The following MAP2K5 variants were observed in gnomAD, a reference collection of about 807,000 sequenced individuals.
MAP2K5 encodes mitogen-activated protein kinase kinase 5.
A neutral mutation model predicts 83.1 loss-of-function variants in MAP2K5; 49 were observed. That is an observed-to-expected ratio of 0.59 (90% CI 0.47 to 0.75). MAP2K5 has a LOEUF of 0.75. Ranked by LOEUF, MAP2K5 falls within the 30% of genes least tolerant of loss-of-function variation. The probability of loss-of-function intolerance (pLI) is 0.00; values close to 1 mark genes in which losing one functional copy is unlikely to be tolerated. For synonymous variants in MAP2K5, 202 were observed against 191.8 expected (o/e 1.05, Z -0.44); for missense variants, 457 against 557.5 (o/e 0.82, Z 1.82).
intron 17 of MAP2K5, among the ~76,000 whole-genome samples, chr15:67,742,056 G>A (rs140568177): frequency 2.0e-3 from 310 of 152,136 alleles, no homozygotes; most frequent in African/African-American, 7.1e-3. Flanking sequence ...CACCACACCC[G>A]GCTAATTTTT....
At chr15:67,610,924 G>A (rs1047824753) in intron 8 of MAP2K5, among the ~76,000 whole-genome samples, 1 of 152,196 alleles carries the variant, frequency 6.6e-6, no homozygotes, top group African/African-American at 2.4e-5. Flanking sequence ...CAGTGGTATT[G>A]CTGAAAGCAG....
At chr15:67,641,586 G>A in intron 9 of MAP2K5, 1 of 997,020 alleles carries the variant, frequency 1.0e-6, no homozygotes, top group Non-Finnish European at 1.2e-6. Context: ...TCACTTGACT[G>A]CTTATATTTA....
rs1434377039 is a variant in MAP2K5, at chr15:67,780,106, A to G, written c.1242+7354A>G. 6.6e-6 allele frequency among the ~76,000 whole-genome samples: 1 copy of G among 152,146 alleles called. No homozygotes were observed. Among genetic ancestry groups the G allele is most frequent in the Non-Finnish European group, 1.5e-5 (1 of 67,994 alleles). ...GCATGTATTGTGTCTAGGTTGGAAC[A>G]GCATTTAATTATATATTCATCTTAT... On this transcript the variant is annotated intron_variant, in intron 21 of 21. Transcript: ENST00000178640. The surrounding 1 kb of genome is among the most constrained non-coding windows in gnomAD (Gnocchi z 5.0).
chr15:67,805,821 T>C (rs924119548), intron 21 of MAP2K5, among the ~76,000 whole-genome samples: 1 of 152,200 alleles, frequency 6.6e-6, no homozygotes, highest in African/African-American at 2.4e-5. Context: ...TTTTCACTTT[T>C]CCTTTCACCT....
chr15:67,664,485 A>C, intron 12 of MAP2K5, 112 bp from the exon 13 acceptor site: 1 of 639,872 alleles, frequency 1.6e-6, no homozygotes, highest in Non-Finnish European at 2.7e-6. Flanking sequence ...CCTAGGTGAC[A>C]GGGTGACACC....
intron 8 of MAP2K5, among the ~76,000 whole-genome samples, chr15:67,625,675 T>TGCG (rs1743323032): frequency 6.6e-6 from 1 of 152,236 alleles, no homozygotes. Flanking sequence ...GACTCATGCC[T>TGCG]GGCATTGCCT....
chr15:67,599,992 A>G (rs2085620078), intron 7 of MAP2K5, among the ~76,000 whole-genome samples: 1 of 141,080 alleles, frequency 7.1e-6, no homozygotes, highest in Non-Finnish European at 1.6e-5. Flanking sequence ...AAAACATGCA[A>G]ACTTATATAT....
At chr15:67,735,193 G>T (rs1205311230) in intron 17 of MAP2K5, among the ~76,000 whole-genome samples, 1 of 152,096 alleles carries the variant, frequency 6.6e-6, no homozygotes, top group African/African-American at 2.4e-5. Context: ...TATTTGCTTA[G>T]CCTATGCCAG....
At chr15:67,612,257 C>T (rs1487454996) in intron 8 of MAP2K5, among the ~76,000 whole-genome samples, 5 of 151,988 alleles carry the variant, frequency 3.3e-5, no homozygotes, top group South Asian at 2.1e-4. Context: ...TATGTGACAC[C>T]GTTAAGTTTT....
chr15:67,595,977 T>C (rs371979753), intron 7 of MAP2K5, among the ~76,000 whole-genome samples: 1 of 6,962 alleles, frequency 1.4e-4, no homozygotes, highest in Admixed American at 1.7e-3. Flanking sequence ...TTATTTTTTC[T>C]TTTTTTTTTT....
chr15:67,715,853 G>C (rs752975455), intron 16 of MAP2K5, among the ~76,000 whole-genome samples: 18 of 152,158 alleles, frequency 1.2e-4, no homozygotes, highest in Non-Finnish European at 2.4e-4. Context: ...AGGATTTTCT[G>C]ATGGATAGAA....
At chr15:67,675,306 C>T (rs6494685) in intron 13 of MAP2K5, among the ~76,000 whole-genome samples, 149,625 of 152,330 alleles carry the variant, frequency 0.98, 73,551 homozygotes, top group Middle Eastern at 1. Flanking sequence ...CCTAGATGAA[C>T]CTCCAGATCA....
At chr15:67,721,033 T>C (rs1176977580) in intron 16 of MAP2K5, among the ~76,000 whole-genome samples, 1 of 152,236 alleles carries the variant, frequency 6.6e-6, no homozygotes, top group African/African-American at 2.4e-5. Flanking sequence ...TAGGATATTG[T>C]ACTTGTGAAT....
At chr15:67,611,910 T>C (rs1385288032) in intron 8 of MAP2K5, among the ~76,000 whole-genome samples, 1 of 152,192 alleles carries the variant, frequency 6.6e-6, no homozygotes, top group Non-Finnish European at 1.5e-5. Context: ...ATGTATCTTG[T>C]AGATGACCAA....
intron 15 of MAP2K5, among the ~76,000 whole-genome samples, chr15:67,696,923 G>A (rs4296206): frequency 0.022 from 3,280 of 152,296 alleles, 122 homozygotes; most frequent in African/African-American, 0.074. Flanking sequence ...AGGTTGCGGT[G>A]AGCTGAGATC....
chr15:67,746,593 G>A lies in MAP2K5; in HGVS notation c.1075-1638G>A, dbSNP rs565147430. ...ACTTCCGGGTGGTGGTTACAGCTCCGCCTTCCCTTGTAATGTAAATCTTTA... is the reference window on the plus strand; with the variant it reads ...ACTTCCGGGTGGTGGTTACAGCTCCACCTTCCCTTGTAATGTAAATCTTTA... On this transcript the variant is annotated intron_variant, in intron 17 of 21. Coordinates refer to ENST00000178640, the MANE Select transcript of MAP2K5 (RefSeq NM_145160.3). The surrounding 1 kb of genome is among the most constrained non-coding windows in gnomAD (Gnocchi z 4.1). 6.6e-5 allele frequency among the ~76,000 whole-genome samples: 10 copies of A among 152,200 alleles called. No individual in the cohort carries two copies. Among genetic ancestry groups the A allele is most frequent in the Middle Eastern group, 3.4e-3 (1 of 294 alleles).
chr15:67,681,866 C>T (rs2087826379), intron 13 of MAP2K5, among the ~76,000 whole-genome samples: 1 of 152,130 alleles, frequency 6.6e-6, no homozygotes, highest in Non-Finnish European at 1.5e-5. Flanking sequence ...GCTCCCTTGC[C>T]TTCAATAAAA....
At chr15:67,710,116 C>T (rs1367314674) in intron 16 of MAP2K5, among the ~76,000 whole-genome samples, 2 of 152,214 alleles carry the variant, frequency 1.3e-5, no homozygotes, top group Non-Finnish European at 2.9e-5. Context: ...CCCTCCTCAG[C>T]CTCCTGAGTA....
chr15:67,642,139 T>G (rs925237568), intron 9 of MAP2K5, among the ~76,000 whole-genome samples: 1 of 152,236 alleles, frequency 6.6e-6, no homozygotes, highest in African/African-American at 2.4e-5. Context: ...CCTTACTACA[T>G]TTTAGGTCAG....
Sources: gnomAD v4.1 joint callset for allele counts (sites outside exome capture counted in the v4.1 genomes callset) on GRCh38, gnomAD v4.1.1 for gene constraint, Gnocchi (gnomAD v3.1) non-coding constraint, MANE v1.5 for transcripts, NCBI Gene and HGNC (gene_info 2026-07-23, HGNC 2026-07-21) for gene names.